The following RNF170 variants were observed in gnomAD, a reference collection of about 807,000 sequenced individuals.
RNF170 encodes the protein ring finger protein 170, also known as E3 ubiquitin-protein ligase RNF170.
Under a neutral mutation model 32.7 loss-of-function variants are expected in RNF170, and 12 were observed. The observed-to-expected ratio is 0.37, with a 90% CI of 0.24 to 0.60. The LOEUF (loss-of-function observed/expected upper bound fraction) is 0.60, where lower values mean the gene tolerates loss of function less well. RNF170 is among the 20% of genes least tolerant of loss of function. RNF170 has a pLI of 0.72. For missense variants in RNF170, 212 were observed against 311.2 expected (o/e 0.68, Z 2.40); for synonymous variants, 91 against 103.6 (o/e 0.88, Z 0.74).
In RNF170 at chr8:42,855,968, G is replaced by C. The variant is rs758459943; in HGVS notation, c.*191C>G. The C allele has an allele frequency of 3.7e-5, 53 of 1,419,374 alleles. 1 individual carries two copies. The South Asian group carries it at 6.5e-4, about 17-fold the overall frequency. 87.9% of individuals were successfully genotyped at this position (1,419,374 alleles called of 1,614,324 possible). A position where few individuals can be genotyped will look rare whatever the true frequency, so the allele number is the denominator to read the frequency against. On this transcript the variant is annotated 3_prime_UTR_variant, in exon 7 of 7. Coordinates refer to ENST00000527424, the MANE Select transcript of RNF170 (RefSeq NM_030954.4). ...CATTATAATTCTAAACTTAATATTA[G>C]AACTTCAAACATGAAAATTCCAGTT...
chr8:42,872,550 C>T (rs1274276933), intron 3 of RNF170, among the ~76,000 whole-genome samples: 2 of 152,164 alleles, frequency 1.3e-5, no homozygotes, highest in Non-Finnish European at 2.9e-5. Context: ...TCAAGTGATT[C>T]TCCTGCCTCA....
rs763999482 is a variant in RNF170 at position 42,861,753 on chromosome 8, G to A, written c.499C>T (p.Pro167Ser). 2 of 1,609,160 alleles carry A rather than the reference G, an allele frequency of 1.2e-6. No homozygotes were observed. Among genetic ancestry groups the A allele is most frequent in the Non-Finnish European group, 1.7e-6 (2 of 1,175,660 alleles). Residue 167 changes from proline to serine, a missense_variant, in exon 6 of 7, where the codon CCC becomes TCC. Pro to Ser is a moderately conservative substitution (Grantham distance 74). Transcript: ENST00000527424. The stretch of plus-strand genomic sequence containing the variant: ...GCTTTAGCATTACTTACAGATCTGG[G>A]TTGCCCTGAGAATCTCCGGTTATAA... Reference protein sequence around the residue: ...NDYNRRFSGQPRSIMERIMDL... With the variant: ...NDYNRRFSGQSRSIMERIMDL...
intron 5 of RNF170, among the ~76,000 whole-genome samples, chr8:42,863,585 G>A (rs1563662612): frequency 6.6e-6 from 1 of 152,178 alleles, no homozygotes; most frequent in African/African-American, 2.4e-5. Context: ...GGGACTACAG[G>A]TGTGCGCCAC....
At chr8:42,891,858 G>A (rs1175085261) in intron 1 of RNF170, among the ~76,000 whole-genome samples, 3 of 152,336 alleles carry the variant, frequency 2.0e-5, no homozygotes, top group South Asian at 4.1e-4. Flanking sequence ...GTGGTTATCA[G>A]TGAGAAGCTG....
At position 42,865,398 on chromosome 8, in the gene RNF170, C is replaced by T; in HGVS notation, c.396+18G>A. 6.3e-7 allele frequency: 1 copy of T among 1,582,390 alleles called. No individual in the cohort carries two copies. The highest frequency in any genetic ancestry group is 8.7e-7 in the Non-Finnish European group (1 of 1,151,382). On this transcript the variant is annotated intron_variant, in intron 5 of 6. Coordinates refer to ENST00000527424, the MANE Select transcript of RNF170 (RefSeq NM_030954.4). Reference sequence around the variant, plus strand: ...AATAAACTAGCATAAATGATACTTTCTGCACACAAAACATTACCGTTTGTC... The same window carrying T: ...AATAAACTAGCATAAATGATACTTTTTGCACACAAAACATTACCGTTTGTC...
chr8:42,885,457 T>G (rs779854937), intron 2 of RNF170, among the ~76,000 whole-genome samples: 2 of 152,200 alleles, frequency 1.3e-5, no homozygotes, highest in Non-Finnish European at 1.5e-5. Context: ...TGGTAGTCCA[T>G]TTTTAACTTT....
intron 2 of RNF170, among the ~76,000 whole-genome samples, chr8:42,887,028 C>G (rs898146220): frequency 2.0e-5 from 3 of 152,122 alleles, no homozygotes; most frequent in Non-Finnish European, 4.4e-5. Flanking sequence ...TGCAGTGGCT[C>G]AAGCCTGTAA....
chr8:42,859,789 C>T (rs1370956590), intron 6 of RNF170, among the ~76,000 whole-genome samples: 1 of 152,164 alleles, frequency 6.6e-6, no homozygotes, highest in African/African-American at 2.4e-5. Flanking sequence ...GCTGAAACTA[C>T]AGGTGCACAC....
chr8:42,889,377 T>A (rs567558026), intron 1 of RNF170: 2 of 152,086 alleles, frequency 1.3e-5, no homozygotes, highest in African/African-American at 4.8e-5. Context: ...CACATTTTTT[T>A]CAGACAAAAC....
upstream of RNF170, chr8:42,896,662 G>C (rs1806932755): frequency 2.2e-6 from 1 of 450,788 alleles, no homozygotes; most frequent in African/African-American, 2.0e-5. Flanking sequence ...GGACGGCGGA[G>C]GAGGACCCGT....
intron 1 of RNF170, among the ~76,000 whole-genome samples, chr8:42,893,190 T>C (rs530017652): frequency 1.8e-4 from 28 of 152,262 alleles, no homozygotes; most frequent in African/African-American, 6.7e-4. Flanking sequence ...CCACTAAAGG[T>C]TGTTTACATT....
chr8:42,884,504 C>T (rs1213204400), intron 2 of RNF170, among the ~76,000 whole-genome samples: 9 of 151,866 alleles, frequency 5.9e-5, no homozygotes, highest in African/African-American at 2.2e-4. Context: ...GCTAGACATC[C>T]CTCCTTCCTT....
intron 2 of RNF170, among the ~76,000 whole-genome samples, chr8:42,874,224 T>C (rs1804738184): frequency 6.6e-6 from 1 of 152,196 alleles, no homozygotes; most frequent in South Asian, 2.1e-4. Context: ...CGGCAAATGG[T>C]AAAATCCAGA....
At position 42,853,867 on chromosome 8, in the gene RNF170, C is replaced by T; in HGVS notation, c.*2292G>A. On this transcript the variant is annotated 3_prime_UTR_variant, in exon 7 of 7. Coordinates refer to ENST00000527424, the MANE Select transcript of RNF170 (RefSeq NM_030954.4). ...TTTTTTTATGTTACAAAATTTGGTA[C>T]AATACACCTCTTTCAGGAAAGTCTT... The T allele has an allele frequency of 7.8e-7, 1 of 1,286,586 alleles. No individual in the cohort carries two copies. The highest frequency in any genetic ancestry group is 1.5e-5 in the African/African-American group (1 of 65,866). The allele number at this position is 1,286,586 out of a possible 1,614,324, so 79.7% of individuals were successfully genotyped here.
intron 2 of RNF170, among the ~76,000 whole-genome samples, chr8:42,879,322 T>G (rs1805193449): frequency 6.6e-6 from 1 of 152,156 alleles, no homozygotes; most frequent in African/African-American, 2.4e-5. Context: ...ATTGAAACCT[T>G]CTGGAAAGGA....
At position 42,855,595 on chromosome 8, in the gene RNF170, T is replaced by C. The variant is rs144693965; in HGVS notation, c.*564A>G. On this transcript the variant is annotated 3_prime_UTR_variant, in exon 7 of 7. Transcript: ENST00000527424. ...ATCGAAGTATGAAGTTCAAGTTTCTTCTTTCAGTTTCAGCTGATAGCAAAT... is the reference window on the plus strand; with the variant it reads ...ATCGAAGTATGAAGTTCAAGTTTCTCCTTTCAGTTTCAGCTGATAGCAAAT... 1 of 1,276,840 alleles carries C rather than the reference T, an allele frequency of 7.8e-7. No homozygotes were observed. The highest frequency in any genetic ancestry group is 1.5e-5 in the African/African-American group (1 of 65,640). The allele number at this position is 1,276,840 out of a possible 1,614,324, so 79.1% of individuals were successfully genotyped here.
rs1402972170 is a variant in RNF170, at chr8:42,853,931, T to C, written c.*2228A>G. On this transcript the variant is annotated 3_prime_UTR_variant, in exon 7 of 7. Transcript: ENST00000527424. ...AATATTATAATTATTGTAACCAGAA[T>C]TGTGACACTTGGAGCAGAATGCATG... 4.7e-6 allele frequency: 6 copies of C among 1,287,116 alleles called. No homozygotes were observed. The Admixed American group carries it at 1.1e-4, about 25-fold the overall frequency. 79.7% of individuals were successfully genotyped at this position (1,287,116 alleles called of 1,614,324 possible). A position where few individuals can be genotyped will look rare whatever the true frequency, so the allele number is the denominator to read the frequency against.
At chr8:42,888,619 C>T (rs534098181) in intron 1 of RNF170, among the ~76,000 whole-genome samples, 12 of 151,642 alleles carry the variant, frequency 7.9e-5, no homozygotes, top group African/African-American at 2.2e-4. Context: ...AAAATTTAGC[C>T]GGGTGACGTG....
chr8:42,851,866 C>T (rs1176777615), downstream of RNF170, among the ~76,000 whole-genome samples: 1 of 152,202 alleles, frequency 6.6e-6, no homozygotes, highest in Non-Finnish European at 1.5e-5. Flanking sequence ...CTCCTGGACT[C>T]AAGTGATCCT....
Sources: allele counts gnomAD v4.1 joint callset (sites outside exome capture counted in the v4.1 genomes callset), GRCh38; gene constraint gnomAD v4.1.1; transcripts MANE v1.5; gene names NCBI Gene and HGNC (gene_info 2026-07-23, HGNC 2026-07-21).